The following LIN7A variants were observed in gnomAD, a reference collection of about 807,000 sequenced individuals.
LIN7A encodes protein lin-7 homolog A.
A neutral mutation model predicts 29.8 loss-of-function variants in LIN7A; 25 were observed. The ratio of observed to expected loss-of-function variants is 0.84; its 90% CI spans 0.61 to 1.17. The LOEUF is 1.17. LIN7A is among the 50% of genes most tolerant of loss of function. LIN7A has a pLI of 0.00. For missense variants in LIN7A, 239 were observed against 287.0 expected, an observed-to-expected ratio of 0.83 and a Z score of 1.21; for synonymous variants, 118 against 107.5, an observed-to-expected ratio of 1.10 and a Z score of -0.60.
chr12:80,863,395 G>T (rs1774304842), intron 2 of LIN7A, among the ~76,000 whole-genome samples: 1 of 152,200 alleles, frequency 6.6e-6, no homozygotes, highest in African/African-American at 2.4e-5. Flanking sequence ...TCTACAAAAA[G>T]ACAGTCAATG....
intron 1 of LIN7A, among the ~76,000 whole-genome samples, chr12:80,920,191 G>A (rs189090519): frequency 6.6e-6 from 1 of 152,302 alleles, no homozygotes; most frequent in African/African-American, 2.4e-5. Context: ...GTGAGTAAAT[G>A]AGCGTGGCGG....
At chr12:80,802,957 G>C (rs1012023954) in intron 5 of LIN7A, among the ~76,000 whole-genome samples, 1 of 152,166 alleles carries the variant, frequency 6.6e-6, no homozygotes, top group East Asian at 1.9e-4. Context: ...TGTCTATTAA[G>C]TCATTTCCCC....
At chr12:80,902,217 G>GGTTTTTTTTTTT (rs1876251078) in intron 1 of LIN7A, among the ~76,000 whole-genome samples, 1 of 125,644 alleles carries the variant, frequency 8.0e-6, no homozygotes, top group African/African-American at 3.1e-5. Context: ...TGGTCTATGT[G>GGTTTTTTTTTTT]TTTTTTTTTT....
At chr12:80,866,806 G>A (rs1476474294) in intron 2 of LIN7A, among the ~76,000 whole-genome samples, 1 of 152,044 alleles carries the variant, frequency 6.6e-6, no homozygotes, top group Non-Finnish European at 1.5e-5. Flanking sequence ...AGAACACCAG[G>A]TTTTTACACC....
chr12:80,877,941 C>T (rs1446818389), intron 2 of LIN7A, among the ~76,000 whole-genome samples: 1 of 151,726 alleles, frequency 6.6e-6, no homozygotes, highest in Non-Finnish European at 1.5e-5. Context: ...GTGATCTCAA[C>T]AGAAGACAGA....
At chr12:80,858,018 T>C (rs1434303194) in intron 2 of LIN7A, among the ~76,000 whole-genome samples, 1 of 152,150 alleles carries the variant, frequency 6.6e-6, no homozygotes, top group Non-Finnish European at 1.5e-5. Flanking sequence ...CATCCTTTTA[T>C]TTGATTCTGG....
chr12:80,847,339 T>C (rs1272562326), intron 3 of LIN7A, among the ~76,000 whole-genome samples: 1 of 152,156 alleles, frequency 6.6e-6, no homozygotes, highest in Non-Finnish European at 1.5e-5. Flanking sequence ...ATGATGATAA[T>C]AACACCCTCT....
chr12:80,805,331 G>A (rs1870924268), intron 5 of LIN7A, among the ~76,000 whole-genome samples: 1 of 152,038 alleles, frequency 6.6e-6, no homozygotes, highest in South Asian at 2.1e-4. Flanking sequence ...TAGATCATCA[G>A]GATCATGCAT....
intron 1 of LIN7A, among the ~76,000 whole-genome samples, chr12:80,933,843 C>G (rs1878055932): frequency 6.6e-6 from 1 of 152,060 alleles, no homozygotes. Context: ...TTATAGCACT[C>G]TCCTTTACCC....
At chr12:80,867,617 A>G (rs1874209562) in intron 2 of LIN7A, among the ~76,000 whole-genome samples, 1 of 152,080 alleles carries the variant, frequency 6.6e-6, no homozygotes, top group East Asian at 1.9e-4. Context: ...ATCTTCTATG[A>G]GTTTTCTTTT....
chr12:80,805,679 G>C (rs552544689), intron 5 of LIN7A, among the ~76,000 whole-genome samples: 1 of 152,082 alleles, frequency 6.6e-6, no homozygotes, highest in Non-Finnish European at 1.5e-5. Flanking sequence ...GCTTCAAGCT[G>C]AATAAATATA....
At position 80,808,677 on chromosome 12, in the gene LIN7A, T is replaced by G. The variant is rs184054505; in HGVS notation, c.*2788A>C. ...CCCGCCACCACGCCCGGCTAATTTT[T>G]TGTATTTTTAGTAGAGACGAGGTTT... On this transcript the variant is annotated intron_variant, in intron 5 of 5. Coordinates refer to ENST00000552864, the MANE Select transcript of LIN7A (RefSeq NM_004664.4). Among the ~76,000 whole-genome samples, 134 of 151,634 alleles carry G rather than the reference T, an allele frequency of 8.8e-4. 2 individuals carry two copies. The East Asian group carries it at 0.02, about 22-fold the overall frequency.
chr12:80,850,441 T>A (rs1421655769), intron 2 of LIN7A, among the ~76,000 whole-genome samples: 4 of 152,150 alleles, frequency 2.6e-5, no homozygotes. Flanking sequence ...TGACCATGGA[T>A]CTTTTGGGGA....
At chr12:80,922,062 A>T (rs1877343053) in intron 1 of LIN7A, among the ~76,000 whole-genome samples, 1 of 152,252 alleles carries the variant, frequency 6.6e-6, no homozygotes, top group Non-Finnish European at 1.5e-5. Context: ...ATGCGCTGTA[A>T]TGAAATAGGA....
At chr12:80,832,742 G>T in intron 4 of LIN7A, 1 of 423,146 alleles carries the variant, frequency 2.4e-6, no homozygotes, top group Non-Finnish European at 4.6e-6. Context: ...CATATTTATG[G>T]CATAGTGTAC....
At chr12:80,871,838 A>G (rs1874442263) in intron 2 of LIN7A, among the ~76,000 whole-genome samples, 1 of 151,914 alleles carries the variant, frequency 6.6e-6, no homozygotes, top group African/African-American at 2.4e-5. Context: ...TCAATGAGGA[A>G]AACATTTTTT....
chr12:80,867,868 C>T (rs994868147), intron 2 of LIN7A, among the ~76,000 whole-genome samples: 1 of 152,166 alleles, frequency 6.6e-6, no homozygotes, highest in African/African-American at 2.4e-5. Flanking sequence ...TACTTCAACC[C>T]ATCTCCTTAA....
chr12:80,809,182 G>C (rs1165753927), intron 5 of LIN7A, among the ~76,000 whole-genome samples: 1 of 151,834 alleles, frequency 6.6e-6, no homozygotes, highest in African/African-American at 2.4e-5. Context: ...TGGTCAGGCT[G>C]GTCTCAAACT....
At chr12:80,934,947 A>G (rs1482903658) in intron 1 of LIN7A, among the ~76,000 whole-genome samples, 1 of 152,158 alleles carries the variant, frequency 6.6e-6, no homozygotes, top group African/African-American at 2.4e-5. Flanking sequence ...ACGGCAATCC[A>G]TCAAGTGTAT....
Sources: allele counts gnomAD v4.1 joint callset (sites outside exome capture counted in the v4.1 genomes callset), GRCh38; gene constraint gnomAD v4.1.1; transcripts MANE v1.5; gene names NCBI Gene and HGNC (gene_info 2026-07-23, HGNC 2026-07-21).